NELL1: variants seen among roughly 807,000 people sequenced by gnomAD.
NELL1 encodes the protein neural EGFL like 1.
Under a neutral mutation model 107.4 loss-of-function variants are expected in NELL1, and 76 were observed. The ratio of observed to expected loss-of-function variants is 0.71; its 90% confidence interval spans 0.59 to 0.86. The LOEUF (loss-of-function observed/expected upper bound fraction) is 0.86, where lower values mean the gene tolerates loss of function less well. NELL1 is among the 40% of genes least tolerant of loss of function. The pLI is 0.00. For missense variants in NELL1, 1,024 were observed against 1,005.5 expected, an observed-to-expected ratio of 1.02 and a Z score of -0.25; for synonymous variants, 353 against 341.2, an observed-to-expected ratio of 1.03 and a Z score of -0.38.
intron 15 of NELL1, among the ~76,000 whole-genome samples, chr11:21,408,434 A>G (rs910894015): frequency 2.6e-5 from 4 of 152,050 alleles, no homozygotes; most frequent in African/African-American, 4.8e-5. Context: ...AAGGAGGCCA[A>G]TTGCTTTAGG....
chr11:21,327,942 A>C (rs1213510287), intron 14 of NELL1, among the ~76,000 whole-genome samples: 1 of 152,168 alleles, frequency 6.6e-6, no homozygotes, highest in Non-Finnish European at 1.5e-5. Context: ...GAAATTTCTA[A>C]GCAGGAAAGT....
chr11:21,489,143 G>A (rs912797465), intron 15 of NELL1, among the ~76,000 whole-genome samples: 14 of 151,786 alleles, frequency 9.2e-5, no homozygotes, highest in Non-Finnish European at 2.1e-4. Context: ...AAAGACTATT[G>A]TGAACAGTTA....
chr11:20,943,662 A>C (rs1338465960), intron 10 of NELL1, among the ~76,000 whole-genome samples: 1 of 152,170 alleles, frequency 6.6e-6, no homozygotes, highest in Non-Finnish European at 1.5e-5. Context: ...GGTAATACCC[A>C]GATGTGAAAA....
intron 13 of NELL1, among the ~76,000 whole-genome samples, chr11:21,170,437 G>A (rs1246776047): frequency 6.6e-6 from 1 of 151,678 alleles, no homozygotes; most frequent in Non-Finnish European, 1.5e-5. Flanking sequence ...AGGAGTAAAG[G>A]CTGATCCACT....
rs1007371967 is a variant in NELL1, at chr11:20,961,764, T to C, written c.1300+1204T>C. On this transcript the variant is annotated intron_variant, in intron 12 of 19. Coordinates refer to ENST00000357134, the MANE Select transcript of NELL1 (RefSeq NM_006157.5). ...GAGCCATCTTTTCCTATAGAGTGGA[T>C]TCTGCAGAGCCTACTTTGGGATTTG... 2.6e-5 allele frequency among the ~76,000 whole-genome samples: 4 copies of C among 152,098 alleles called. No individual in the cohort carries two copies. In the South Asian group the frequency reaches 8.3e-4, roughly 32 times the overall value.
In NELL1 at chr11:20,669,857, G is replaced by A. The variant is rs1853852139; in HGVS notation, c.55+79G>A. The A allele has an allele frequency of 8.3e-7, 1 of 1,203,460 alleles. No individual in the cohort carries two copies. The highest frequency in any genetic ancestry group is 1.7e-5 in the Admixed American group (1 of 58,372). 74.5% of individuals were successfully genotyped at this position (1,203,460 alleles called of 1,614,324 possible). On this transcript the variant is annotated intron_variant, in intron 1 of 19. Coordinates refer to ENST00000357134, the MANE Select transcript of NELL1 (RefSeq NM_006157.5). This position sits in a 1 kb window ranked among gnomAD's most constrained non-coding sequence, Gnocchi z 4.4. ...CCACGGCGGCGTGGGGAGACCTGGA[G>A]CCGAGCTTTGCGCTGGTCTGGGGAA...
chr11:21,474,602 A>T lies in NELL1; in HGVS notation c.1646-59772A>T, dbSNP rs559433150. 1.0e-3 allele frequency among the ~76,000 whole-genome samples: 154 copies of T among 152,256 alleles called. 2 individuals are homozygous for T. The highest frequency in any genetic ancestry group is 3.6e-3 in the African/African-American group (151 of 41,558). The stretch of plus-strand genomic sequence containing the variant: ...AGTCTAATAACTGAAGCAGCTGAGG[A>T]TTTGTACCCCTGTCCCTTTCACTGC... On this transcript the variant is annotated intron_variant, in intron 15 of 19. Transcript: ENST00000357134.
rs572625544 is a variant in NELL1, at chr11:21,505,049, C to T, written c.1646-29325C>T. On this transcript the variant is annotated intron_variant, in intron 15 of 19. Coordinates refer to ENST00000357134, the MANE Select transcript of NELL1 (RefSeq NM_006157.5). ...AGTGAAATATTTGTTTTAAATCATCCCCTAGAAAAGTTATGTTTACTTCTT... is the reference window on the plus strand; with the variant it reads ...AGTGAAATATTTGTTTTAAATCATCTCCTAGAAAAGTTATGTTTACTTCTT... Among the ~76,000 whole-genome samples, 59 of 152,110 alleles carry T rather than the reference C, an allele frequency of 3.9e-4. No homozygotes were observed. The South Asian group carries it at 5.0e-3, about 13-fold the overall frequency.
intron 15 of NELL1, among the ~76,000 whole-genome samples, chr11:21,494,215 CAA>C (rs1333314671): frequency 6.6e-6 from 1 of 151,916 alleles, no homozygotes; most frequent in Non-Finnish European, 1.5e-5. Flanking sequence ...CAAATTTTAT[CAA>C]GTGTTTCGTA....
intron 14 of NELL1, among the ~76,000 whole-genome samples, chr11:21,364,065 A>G (rs572493887): frequency 6.6e-6 from 1 of 152,284 alleles, no homozygotes; most frequent in South Asian, 2.1e-4. Flanking sequence ...TCTTATATAA[A>G]TATTTCTAAA....
intron 14 of NELL1, among the ~76,000 whole-genome samples, chr11:21,349,969 G>C (rs1232710205): frequency 6.6e-6 from 1 of 151,910 alleles, no homozygotes; most frequent in Non-Finnish European, 1.5e-5. Flanking sequence ...AAATAATTAA[G>C]ACTTAGACCT....
intron 12 of NELL1, among the ~76,000 whole-genome samples, chr11:21,067,958 G>A (rs541004861): frequency 1.6e-4 from 24 of 149,326 alleles, no homozygotes; most frequent in African/African-American, 5.7e-4. Context: ...ACTTGAACTC[G>A]GGAGGCGGAG....
chr11:21,454,769 T>C (rs1235712142), intron 15 of NELL1, among the ~76,000 whole-genome samples: 2 of 152,206 alleles, frequency 1.3e-5, no homozygotes, highest in Non-Finnish European at 2.9e-5. Flanking sequence ...CCTCATATGA[T>C]AGAGAAATAG....
chr11:21,407,573 C>A (rs1416486665), intron 15 of NELL1, among the ~76,000 whole-genome samples: 1 of 151,712 alleles, frequency 6.6e-6, no homozygotes, highest in Non-Finnish European at 1.5e-5. Context: ...TTCCACAGCC[C>A]AACTCTAGTT....
chr11:20,769,871 C>T (rs1344191231), intron 2 of NELL1, among the ~76,000 whole-genome samples: 3 of 152,126 alleles, frequency 2.0e-5, no homozygotes, highest in East Asian at 3.9e-4. Flanking sequence ...TACAACTACT[C>T]TTGGTATGGG....
intron 15 of NELL1, among the ~76,000 whole-genome samples, chr11:21,407,013 C>A (rs939504268): frequency 6.6e-6 from 1 of 152,034 alleles, no homozygotes; most frequent in African/African-American, 2.4e-5. Flanking sequence ...TTTATGAAAT[C>A]AATGTTTTTA....
chr11:21,105,095 T>C (rs7101953), intron 12 of NELL1, among the ~76,000 whole-genome samples: 49,479 of 152,010 alleles, frequency 0.33, 8,358 homozygotes, highest in South Asian at 0.45. Context: ...AGCAGTTATC[T>C]AGGCATCTCC....
intron 13 of NELL1, among the ~76,000 whole-genome samples, chr11:21,220,607 T>C (rs1487288507): frequency 1.3e-5 from 2 of 152,138 alleles, no homozygotes; most frequent in African/African-American, 4.8e-5. Context: ...TTAAATTTAT[T>C]CCTAGGTGTT....
chr11:21,289,355 C>T (rs1849198817), intron 14 of NELL1, among the ~76,000 whole-genome samples: 4 of 152,120 alleles, frequency 2.6e-5, no homozygotes, highest in South Asian at 2.1e-4. Context: ...GTGCAGCCCA[C>T]GGAGGGTGAG....
Sources: allele counts gnomAD v4.1 joint callset (sites outside exome capture counted in the v4.1 genomes callset), GRCh38; gene constraint gnomAD v4.1.1; non-coding constraint Gnocchi (gnomAD v3.1); transcripts MANE v1.5; gene names NCBI Gene and HGNC (gene_info 2026-07-23, HGNC 2026-07-21).